SRGAP3: variants seen among roughly 807,000 people sequenced by gnomAD.
SRGAP3 encodes the protein SLIT-ROBO Rho GTPase activating protein 3.
SRGAP3 carries 39 observed loss-of-function variants against 121.1 expected under a neutral mutation model. That is an observed-to-expected ratio of 0.32 (90% CI 0.25 to 0.42). The LOEUF (loss-of-function observed/expected upper bound fraction) is 0.42, where lower values mean the gene tolerates loss of function less well. SRGAP3 is among the 10% of genes least tolerant of loss of function. The pLI is 1.00. For synonymous variants in SRGAP3, 601 were observed against 570.0 expected (o/e 1.05, Z -0.77); for missense variants, 1,213 against 1,470.6 (o/e 0.82, Z 2.86).
intron 1 of SRGAP3, among the ~76,000 whole-genome samples, chr3:9,130,540 C>A (rs1253358422): frequency 2.6e-5 from 4 of 152,212 alleles, no homozygotes. Flanking sequence ...GTGCTCCTAA[C>A]AGCTGGTTCA....
chr3:9,144,418 C>T (rs913618879), intron 1 of SRGAP3, among the ~76,000 whole-genome samples: 10 of 152,236 alleles, frequency 6.6e-5, no homozygotes, highest in African/African-American at 2.4e-4. Context: ...CTGGAATGCC[C>T]TTCTCCTCTC....
intron 3 of SRGAP3, among the ~76,000 whole-genome samples, chr3:9,092,904 A>G (rs1012623035): frequency 6.6e-6 from 1 of 152,144 alleles, no homozygotes; most frequent in African/African-American, 2.4e-5. Flanking sequence ...ACATATTCAC[A>G]TACTCAGGAG....
At chr3:9,216,457 C>T (rs183937209) in intron 1 of SRGAP3, among the ~76,000 whole-genome samples, 67 of 152,312 alleles carry the variant, frequency 4.4e-4, no homozygotes, top group South Asian at 8.3e-4. Context: ...CGGTCCTCTC[C>T]GTATCGTTTC....
chr3:9,070,461 C>G (rs1946647909), intron 4 of SRGAP3, among the ~76,000 whole-genome samples: 2 of 152,180 alleles, frequency 1.3e-5, no homozygotes, highest in African/African-American at 4.8e-5. Context: ...TTCTCTGTAC[C>G]AGAGCAGAGC....
intron 3 of SRGAP3, among the ~76,000 whole-genome samples, chr3:9,317,520 T>G (rs1364548945): frequency 6.6e-6 from 1 of 152,228 alleles, no homozygotes; most frequent in Non-Finnish European, 1.5e-5. Flanking sequence ...AGAAGCTCTC[T>G]CCTGTCTTCA....
At chr3:9,295,081 A>G (rs1488966769) in intron 3 of SRGAP3, among the ~76,000 whole-genome samples, 1 of 152,188 alleles carries the variant, frequency 6.6e-6, no homozygotes, top group African/African-American at 2.4e-5. Context: ...ACAAAGGCTT[A>G]TTAGATTTAG....
chr3:9,155,393 C>T (rs1449304934), intron 1 of SRGAP3, among the ~76,000 whole-genome samples: 1 of 152,160 alleles, frequency 6.6e-6, no homozygotes, highest in East Asian at 1.9e-4. Flanking sequence ...TTATTTTTGT[C>T]ACTCATGGTG....
At chr3:9,209,649 C>G (rs1952379582) in intron 1 of SRGAP3, among the ~76,000 whole-genome samples, 1 of 152,144 alleles carries the variant, frequency 6.6e-6, no homozygotes, top group African/African-American at 2.4e-5. Flanking sequence ...AAAAACAGTC[C>G]CTCATATATA....
At chr3:9,098,109 AG>A (rs879263517) in intron 3 of SRGAP3, among the ~76,000 whole-genome samples, 2 of 151,830 alleles carry the variant, frequency 1.3e-5, no homozygotes, top group African/African-American at 4.8e-5. Flanking sequence ...TCCCCCTCCC[AG>A]GTTAGAAGTT....
intron 2 of SRGAP3, 109 bp from the exon 3 acceptor site, chr3:9,104,951 G>T: frequency 7.4e-7 from 1 of 1,349,196 alleles, no homozygotes. Flanking sequence ...CCCCTTCAAG[G>T]TCAGTCTTGT....
At chr3:9,163,590 G>A (rs774251054) in intron 1 of SRGAP3, among the ~76,000 whole-genome samples, 1 of 152,202 alleles carries the variant, frequency 6.6e-6, no homozygotes, top group African/African-American at 2.4e-5. Context: ...AAAGCAGAGG[G>A]GGCAGGGGAG....
chr3:9,000,536 A>T lies in SRGAP3; in HGVS notation c.2228-6013T>A, dbSNP rs1338161293. Among the ~76,000 whole-genome samples, 13 of 152,236 alleles carry T rather than the reference A, an allele frequency of 8.5e-5. No individual in the cohort carries two copies. The East Asian group carries it at 2.5e-3, about 29-fold the overall frequency. On this transcript the variant is annotated intron_variant, in intron 18 of 21. Transcript: ENST00000383836. The stretch of plus-strand genomic sequence containing the variant: ...TCCCAAAGGAATTGACTTCAGTTGC[A>T]ACAGAGCTTGGAGAAGTTCAAGTCG...
chr3:9,072,369 T>C (rs544884387), intron 4 of SRGAP3, among the ~76,000 whole-genome samples: 1 of 152,308 alleles, frequency 6.6e-6, no homozygotes, highest in South Asian at 2.1e-4. Context: ...GCACCTGTCA[T>C]AGTGTGCAGC....
chr3:9,318,062 T>G (rs1337459185), intron 3 of SRGAP3, among the ~76,000 whole-genome samples: 1 of 152,132 alleles, frequency 6.6e-6, no homozygotes, highest in African/African-American at 2.4e-5. Flanking sequence ...TAACCTCCGC[T>G]AATTTGAAAT....
chr3:8,999,813 G>C (rs998564928), intron 18 of SRGAP3, among the ~76,000 whole-genome samples: 3 of 152,154 alleles, frequency 2.0e-5, no homozygotes, highest in African/African-American at 7.2e-5. Flanking sequence ...AAGGAAAGGA[G>C]TGAGACCGAC....
intron 1 of SRGAP3, among the ~76,000 whole-genome samples, chr3:9,233,073 C>T (rs983400728): frequency 6.6e-6 from 1 of 152,224 alleles, no homozygotes; most frequent in African/African-American, 2.4e-5. Flanking sequence ...TGGTGCCCCA[C>T]TTACTGGCTT....
intron 11 of SRGAP3, chr3:9,033,535 T>G (rs1290334954): frequency 1.3e-5 from 2 of 152,654 alleles, no homozygotes; most frequent in African/African-American, 4.8e-5. Context: ...GCGATTCTCC[T>G]GCCTCAGCCT....
chr3:9,146,406 A>G (rs1447639874), intron 1 of SRGAP3, among the ~76,000 whole-genome samples: 1 of 152,212 alleles, frequency 6.6e-6, no homozygotes, highest in Admixed American at 6.5e-5. Context: ...CAGGGACTTT[A>G]TAGCCCCAAG....
chr3:9,086,544 T>C (rs1293687599), intron 3 of SRGAP3, among the ~76,000 whole-genome samples: 1 of 146,410 alleles, frequency 6.8e-6, no homozygotes, highest in Non-Finnish European at 1.5e-5. Flanking sequence ...AAAAACCATA[T>C]ATACGTATGT....
Sources: allele counts gnomAD v4.1 joint callset (sites outside exome capture counted in the v4.1 genomes callset), GRCh38; gene constraint gnomAD v4.1.1; transcripts MANE v1.5; gene names NCBI Gene and HGNC (gene_info 2026-07-23, HGNC 2026-07-21).